FLT3: variants seen among roughly 807,000 people sequenced by gnomAD.
FLT3 encodes fms related receptor tyrosine kinase 3.
A neutral mutation model predicts 126.6 loss-of-function variants in FLT3; 46 were observed. The ratio of observed to expected loss-of-function variants is 0.36; its 90% CI spans 0.29 to 0.46. The LOEUF (loss-of-function observed/expected upper bound fraction) is 0.46. FLT3 is among the 20% of genes least tolerant of loss of function. The probability of loss-of-function intolerance (pLI) is 1.00; values close to 1 mark genes in which losing one functional copy is unlikely to be tolerated. For synonymous variants in FLT3, 404 were observed against 434.4 expected, an observed-to-expected ratio of 0.93 and a Z score of 0.87; for missense variants, 1,069 against 1,190.3, an observed-to-expected ratio of 0.90 and a Z score of 1.50.
intron 4 of FLT3, among the ~76,000 whole-genome samples, chr13:28,053,116 G>A (rs899910131): frequency 6.6e-6 from 1 of 151,944 alleles, no homozygotes; most frequent in Non-Finnish European, 1.5e-5. Context: ...ATGGTAGGGT[G>A]GAGTTGGAAT....
chr13:28,057,344 T>C lies in FLT3; in HGVS notation c.484+3A>G, dbSNP rs542555739. 8.2e-7 allele frequency: 1 copy of C among 1,218,158 alleles called. No individual in the cohort carries two copies. The highest frequency in any genetic ancestry group is 1.2e-6 in the Non-Finnish European group (1 of 818,278). 75.5% of individuals were successfully genotyped at this position (1,218,158 alleles called of 1,614,324 possible). The stretch of plus-strand genomic sequence containing the variant: ...TGGAATACTAGTAGCAGGCTGGACT[T>C]ACTTCTTATACTCACTGTAAACAAT... On this transcript the variant is annotated splice_donor_region_variant and intron_variant, in intron 4 of 23. Coordinates refer to ENST00000241453, the MANE Select transcript of FLT3 (RefSeq NM_004119.3).
chr13:28,097,370 A>C (rs921403266), intron 1 of FLT3, among the ~76,000 whole-genome samples: 3 of 152,168 alleles, frequency 2.0e-5, no homozygotes, highest in African/African-American at 7.2e-5. Flanking sequence ...TTCCCTTGGA[A>C]TATAAGTAAG....
intron 10 of FLT3, 86 bp downstream of exon 10, chr13:28,037,099 G>A: frequency 2.5e-6 from 2 of 785,838 alleles, no homozygotes; most frequent in South Asian, 3.1e-5. Context: ...GCCCTTCTAA[G>A]CCATTACTTA....
chr13:28,004,583 C>T (rs756879270), intron 23 of FLT3, among the ~76,000 whole-genome samples: 2 of 152,120 alleles, frequency 1.3e-5, no homozygotes, highest in Non-Finnish European at 2.9e-5. Flanking sequence ...GCTGCGATTA[C>T]AGGTGTGAGC....
intron 9 of FLT3, among the ~76,000 whole-genome samples, chr13:28,047,003 C>T (rs567320045): frequency 1.7e-4 from 26 of 152,194 alleles, no homozygotes; most frequent in African/African-American, 6.0e-4. Context: ...GGACCAGACA[C>T]ACTTCAAGCT....
intron 2 of FLT3, among the ~76,000 whole-genome samples, chr13:28,064,295 C>T (rs910511072): frequency 6.6e-6 from 1 of 151,514 alleles, no homozygotes. Flanking sequence ...TGGCCCTCAG[C>T]CAGGGGCGAT....
rs1877698218 is a variant in FLT3 at position 28,073,360 on chromosome 13, A to G, written c.44-2748T>C. On this transcript the variant is annotated intron_variant, in intron 1 of 23. Transcript: ENST00000241453. ...GTGAGACCTCATCTCTGGAAAAAAAAAAAAAAAAAGCATTTTTTACTGTCA... is the reference window on the plus strand; with the variant it reads ...GTGAGACCTCATCTCTGGAAAAAAAGAAAAAAAAAGCATTTTTTACTGTCA... 7.2e-6 allele frequency: 3 copies of G among 418,770 alleles called. 1 individual carries two copies. The highest frequency in any genetic ancestry group is 7.0e-5 in the East Asian group (1 of 14,258). 25.9% of individuals were successfully genotyped at this position (418,770 alleles called of 1,614,324 possible).
At chr13:28,047,756 T>C (rs1032473541) in intron 9 of FLT3, among the ~76,000 whole-genome samples, 1 of 151,834 alleles carries the variant, frequency 6.6e-6, no homozygotes, top group Non-Finnish European at 1.5e-5. Context: ...GAAAATTTGT[T>C]GTTCTTAAAA....
rs895168073 is a variant in FLT3 at position 28,023,488 on chromosome 13, G to C, written c.2291-11C>G. 4 of 1,611,938 alleles carry C rather than the reference G, an allele frequency of 2.5e-6. No homozygotes were observed. The highest frequency in any genetic ancestry group is 2.7e-5 in the African/African-American group (2 of 74,720). Reference sequence around the variant, plus strand: ...CATATTCAATTTCATCTGTAAAATAGAGCCAGTCTTCACTTTTGCCAAAAC... The same window carrying C: ...CATATTCAATTTCATCTGTAAAATACAGCCAGTCTTCACTTTTGCCAAAAC... On this transcript the variant is annotated splice_polypyrimidine_tract_variant and intron_variant, in intron 18 of 23. Transcript: ENST00000241453.
chr13:28,026,527 C>T (rs934720754), intron 17 of FLT3, among the ~76,000 whole-genome samples: 1 of 152,022 alleles, frequency 6.6e-6, no homozygotes, highest in Non-Finnish European at 1.5e-5. Flanking sequence ...CATTTATGCC[C>T]GCTAAAGCAA....
Position 28,018,632 on chromosome 13 carries a change from T to C in FLT3, c.2419-43A>G, listed in dbSNP as rs773883670. 1.6e-5 allele frequency: 26 copies of C among 1,607,134 alleles called. No individual in the cohort carries two copies. In the East Asian group the frequency reaches 5.6e-4, roughly 35 times the overall value. On this transcript the variant is annotated intron_variant, in intron 19 of 23. Coordinates refer to ENST00000241453, the MANE Select transcript of FLT3 (RefSeq NM_004119.3). ...AGAGTGTTATTTACTGTGATGTGTA[T>C]TATCCTGGAGTGCAATCTTTCTTCT...
At chr13:28,026,692 T>C (rs140282655) in intron 17 of FLT3, among the ~76,000 whole-genome samples, 98 of 152,352 alleles carry the variant, frequency 6.4e-4, no homozygotes, top group African/African-American at 2.4e-3. Flanking sequence ...TTCAGCGTTC[T>C]TTTGCGCAAT....
intron 1 of FLT3, among the ~76,000 whole-genome samples, chr13:28,074,199 T>G (rs1366959670): frequency 6.6e-6 from 1 of 152,136 alleles, no homozygotes; most frequent in Non-Finnish European, 1.5e-5. Flanking sequence ...CCTCTTTCAT[T>G]GTGCATTTTT....
intron 19 of FLT3, among the ~76,000 whole-genome samples, chr13:28,022,191 T>G (rs1362728828): frequency 6.6e-6 from 1 of 151,664 alleles, no homozygotes; most frequent in Non-Finnish European, 1.5e-5. Context: ...ACACACACCA[T>G]GAACATCTGG....
Position 28,015,602 on chromosome 13 carries a change from T to C in FLT3, c.2641A>G (p.Ile881Val), listed in dbSNP as rs1337282620. The C allele has an allele frequency of 1.9e-6, 3 of 1,605,160 alleles. No homozygotes were observed. Among genetic ancestry groups the C allele is most frequent in the Admixed American group, 3.4e-5 (2 of 59,486 alleles). ...CTGCCCAACTTACCAAGTGAGAAGA[T>C]TTCCCACAGTAATATTCCATATGAC... is the stretch of plus-strand genomic sequence containing the variant. ...VWSYGILLWEIFSLGVNPYPG... is the reference protein window; with the variant it reads ...VWSYGILLWEVFSLGVNPYPG... Residue 881 changes from isoleucine to valine, a missense_variant, in exon 21 of 24, where the codon ATC (isoleucine) becomes GTC (valine). Ile to Val is a conservative substitution (Grantham distance 29). Transcript: ENST00000241453.
In FLT3 at chr13:28,035,607, C is replaced by T; in HGVS notation, c.1485G>A (p.Trp495Ter). 1 of 1,614,124 alleles carries T rather than the reference C, an allele frequency of 6.2e-7. No homozygotes were observed. Among genetic ancestry groups the T allele is most frequent in the South Asian group, 1.1e-5 (1 of 91,070 alleles). The change falls in exon 12 of 24, where the codon TGG becomes TGA. Residue 495 changes from tryptophan (W) to a stop codon, truncating the protein, a stop_gained. Transcript: ENST00000241453. LOFTEE classifies it high-confidence loss of function. ...TCATGTTTAGAGTACTGCTCGACAC[C>T]CACTGTCCAAACACTTTTCTGTTAG... ...RKANRKVFGQWVSSSTLNMSE... is the reference protein window; with the variant it reads ...RKANRKVFGQ
chr13:28,016,280 T>A (rs544906348), intron 20 of FLT3, among the ~76,000 whole-genome samples: 17 of 152,176 alleles, frequency 1.1e-4, no homozygotes, highest in Non-Finnish European at 2.5e-4. Context: ...CTTTCTCTTT[T>A]TTTTTTTGAG....
At chr13:28,049,985 A>G in intron 6 of FLT3, 110 bp downstream of exon 6, 1 of 1,289,302 alleles carries the variant, frequency 7.8e-7, no homozygotes, top group Non-Finnish European at 1.1e-6. Context: ...GACCTGAAGG[A>G]ATGATAGGAT....
At chr13:28,030,260 C>T (rs1321126369) in intron 15 of FLT3, among the ~76,000 whole-genome samples, 3 of 152,212 alleles carry the variant, frequency 2.0e-5, no homozygotes, top group Non-Finnish European at 4.4e-5. Flanking sequence ...CCCCCTAATA[C>T]ATCATGTCTT....
Sources: allele counts gnomAD v4.1 joint callset (sites outside exome capture counted in the v4.1 genomes callset), GRCh38; gene constraint gnomAD v4.1.1; transcripts MANE v1.5; gene names NCBI Gene and HGNC (gene_info 2026-07-23, HGNC 2026-07-21).